RGS22: variants seen among roughly 807,000 people sequenced by gnomAD.
RGS22 encodes the protein regulator of G-protein signaling 22.
In RGS22, 148 loss-of-function variants were observed where a neutral mutation model predicts 172.9. The ratio of observed to expected loss-of-function variants is 0.86; its 90% CI spans 0.75 to 0.98. The LOEUF (loss-of-function observed/expected upper bound fraction) is 0.98, where lower values mean the gene tolerates loss of function less well. Ranked by LOEUF, RGS22 falls within the 50% of genes least tolerant of loss-of-function variation. The probability of loss-of-function intolerance (pLI) is 0.00; values close to 1 mark genes in which losing one functional copy is unlikely to be tolerated. For synonymous variants in RGS22, 458 were observed against 480.2 expected (o/e 0.95, Z 0.60); for missense variants, 1,347 against 1,440.8 (o/e 0.93, Z 1.05).
In RGS22 at chr8:100,012,965, G is replaced by T. The variant is rs150502415; in HGVS notation, c.2167-4396C>A. ...AGAAAAGTTCTCATATAGAAATCAG[G>T]ATAACGCCTTTGATTTTTTTTTTTT... On this transcript the variant is annotated intron_variant, in intron 14 of 27. Transcript: ENST00000360863. Among the ~76,000 whole-genome samples, 813 of 150,142 alleles carry T rather than the reference G, an allele frequency of 5.4e-3. 7 individuals carry two copies. Among genetic ancestry groups the T allele is most frequent in the African/African-American group, 0.018 (745 of 40,954 alleles).
intron 2 of RGS22, among the ~76,000 whole-genome samples, chr8:100,101,648 T>C (rs981504252): frequency 3.3e-5 from 5 of 151,874 alleles, no homozygotes; most frequent in East Asian, 1.9e-4. Flanking sequence ...TTTCTCAATG[T>C]GTATCTTACA....
Position 100,025,003 on chromosome 8 carries a change from TATAAATAAATAA to T in RGS22, c.2166+13916_2166+13927del, listed in dbSNP as rs71572051. The stretch of plus-strand genomic sequence containing the variant: ...GAAACAAGAGGATTAAAAGAGGATC[TATAAATAAATAA>T]ATAAATAAATAAATAAATAAATGAG... On this transcript the variant is annotated intron_variant, in intron 14 of 27. Transcript: ENST00000360863. 2.2e-3 allele frequency among the ~76,000 whole-genome samples: 326 copies of T among 147,346 alleles called. 2 individuals are homozygous for T. Among genetic ancestry groups the T allele is most frequent in the African/African-American group, 7.2e-3 (291 of 40,200 alleles).
chr8:100,004,102 G>C lies in RGS22; in HGVS notation c.2455-4C>G. 3 of 1,591,958 alleles carry C rather than the reference G, an allele frequency of 1.9e-6. No homozygotes were observed. In the African/African-American group the frequency reaches 4.0e-5, roughly 21 times the overall value. The stretch of plus-strand genomic sequence containing the variant: ...TTCCAATTTCACAAGTGGTGTCCTA[G>C]TGAAATAGTACTTTTCAGCAAAAAT... On this transcript the variant is annotated splice_region_variant and splice_polypyrimidine_tract_variant and intron_variant, in intron 16 of 27. Coordinates refer to ENST00000360863, the MANE Select transcript of RGS22 (RefSeq NM_015668.5).
At position 99,962,405 on chromosome 8, in the gene RGS22, C is replaced by T; in HGVS notation, c.*34G>A. The T allele has an allele frequency of 6.2e-7, 1 of 1,612,058 alleles. No homozygotes were observed. The highest frequency in any genetic ancestry group is 8.5e-7 in the Non-Finnish European group (1 of 1,178,188). ...AGACTATGACGTACCTTGAACCTAT[C>T]AGCAGCAGGATGTAAACATTCACAA... On this transcript the variant is annotated 3_prime_UTR_variant, in exon 27 of 28. Transcript: ENST00000360863.
intron 2 of RGS22, among the ~76,000 whole-genome samples, chr8:100,099,186 T>C (rs1813269819): frequency 6.6e-6 from 1 of 152,130 alleles, no homozygotes; most frequent in Non-Finnish European, 1.5e-5. Context: ...AGTGCTGGGA[T>C]TACAGGTGTG....
At chr8:100,061,525 G>T (rs909690666) in intron 9 of RGS22, among the ~76,000 whole-genome samples, 8 of 152,072 alleles carry the variant, frequency 5.3e-5, no homozygotes, top group African/African-American at 1.9e-4. Flanking sequence ...ACATACATGT[G>T]GCCAACAGTC....
At chr8:100,062,345 G>GA (rs199787153) in intron 9 of RGS22, among the ~76,000 whole-genome samples, 1,596 of 143,058 alleles carry the variant, frequency 0.011, 17 homozygotes, top group Non-Finnish European at 0.014. Context: ...AAATTCTGCT[G>GA]AAAAAAAAAA....
intron 3 of RGS22, among the ~76,000 whole-genome samples, chr8:100,085,975 A>G (rs1376061737): frequency 6.6e-6 from 1 of 152,208 alleles, no homozygotes; most frequent in African/African-American, 2.4e-5. Flanking sequence ...GTGATGGCAC[A>G]GAAGGATTCA....
chr8:100,057,695 C>T (rs1351930439), intron 9 of RGS22, among the ~76,000 whole-genome samples: 1 of 152,178 alleles, frequency 6.6e-6, no homozygotes, highest in African/African-American at 2.4e-5. Flanking sequence ...GAGGCCTCCC[C>T]AGTCACATGG....
At position 100,102,372 on chromosome 8, in the gene RGS22, T is replaced by C. The variant is rs576972257; in HGVS notation, c.54+3002A>G. On this transcript the variant is annotated intron_variant, in intron 2 of 27. Transcript: ENST00000360863. ...ATAGCAATGGGTCTGATATCTACCA[T>C]GGAAAGGAGAGAATGGAGTTTGGGG... Among the ~76,000 whole-genome samples the C allele has an allele frequency of 2.6e-4, 40 of 152,268 alleles. 1 individual carries two copies. The East Asian group carries it at 7.3e-3, about 28-fold the overall frequency.
chr8:100,000,077 C>G (rs958403535), intron 18 of RGS22, among the ~76,000 whole-genome samples: 1 of 152,106 alleles, frequency 6.6e-6, no homozygotes, highest in Non-Finnish European at 1.5e-5. Flanking sequence ...TTGTAAAACA[C>G]AACTTCTTTG....
At position 99,978,055 on chromosome 8, in the gene RGS22, CA is replaced by C; in HGVS notation, c.3380del (p.Leu1127ArgfsTer15). On this transcript the variant is annotated frameshift_variant, in exon 23 of 28. Transcript: ENST00000360863. LOFTEE classifies it high-confidence loss of function. ...CACAGAACTGAGGCCAGAATTTAAA[CA>C]GAACCCCAAAAATTGTCATCTGTAT... is the stretch of plus-strand genomic sequence containing the variant. Reference protein sequence around the residue: ...REAQMTIFGVLFKFWPQFCEF... With the variant: ...REAQMTIFGVXFKFWPQFCEF... The C allele has an allele frequency of 6.6e-7, 1 of 1,517,260 alleles. No individual in the cohort carries two copies. The highest frequency in any genetic ancestry group is 8.7e-7 in the Non-Finnish European group (1 of 1,144,282). 94.0% of individuals were successfully genotyped at this position (1,517,260 alleles called of 1,614,324 possible).
intron 3 of RGS22, among the ~76,000 whole-genome samples, chr8:100,086,648 C>A (rs181182393): frequency 3.9e-5 from 6 of 152,076 alleles, no homozygotes; most frequent in African/African-American, 1.2e-4. Flanking sequence ...TCCTAAGGCT[C>A]AGCATGACGC....
intron 2 of RGS22, among the ~76,000 whole-genome samples, chr8:100,097,773 G>A (rs911999743): frequency 3.9e-5 from 6 of 152,208 alleles, no homozygotes; most frequent in Admixed American, 2.0e-4. Context: ...GACTGACCTC[G>A]GTTCACCGTA....
rs1362665510 is a variant in RGS22, at chr8:100,100,111, A to T, written c.54+5263T>A. 2.6e-5 allele frequency among the ~76,000 whole-genome samples: 4 copies of T among 152,140 alleles called. No homozygotes were observed. The South Asian group carries it at 8.3e-4, about 32-fold the overall frequency. On this transcript the variant is annotated intron_variant, in intron 2 of 27. Transcript: ENST00000360863. ...GGATTGGTTCCAGGACCCCCCACAGACACTGAAATCTGGGGATGTTCAAGT... is the reference window on the plus strand; with the variant it reads ...GGATTGGTTCCAGGACCCCCCACAGTCACTGAAATCTGGGGATGTTCAAGT...
chr8:100,100,715 T>A (rs1416054790), intron 2 of RGS22, among the ~76,000 whole-genome samples: 2 of 152,206 alleles, frequency 1.3e-5, no homozygotes, highest in Non-Finnish European at 2.9e-5. Context: ...GGAAATACCC[T>A]ATGTTTATTA....
At chr8:100,019,596 C>T (rs944782329) in intron 14 of RGS22, among the ~76,000 whole-genome samples, 2 of 152,098 alleles carry the variant, frequency 1.3e-5, no homozygotes, top group African/African-American at 2.4e-5. Context: ...TCTCGTAGAG[C>T]GTATCACCAG....
chr8:100,002,158 G>T (rs375496627), intron 18 of RGS22, 44 bp downstream of exon 18: 1 of 1,418,392 alleles, frequency 7.1e-7, no homozygotes, highest in Non-Finnish European at 9.4e-7. Context: ...ATAAAATACC[G>T]GTTTTCAAAC....
intron 23 of RGS22, among the ~76,000 whole-genome samples, chr8:99,971,259 T>C (rs958656023): frequency 1.3e-5 from 2 of 152,156 alleles, no homozygotes; most frequent in African/African-American, 4.8e-5. Context: ...GAAAAACCCA[T>C]AGCCAATATC....
Sources: gnomAD v4.1 joint callset for allele counts (sites outside exome capture counted in the v4.1 genomes callset) on GRCh38, gnomAD v4.1.1 for gene constraint, MANE v1.5 for transcripts, NCBI Gene and HGNC (gene_info 2026-07-23, HGNC 2026-07-21) for gene names.